NRG2: variants seen among roughly 807,000 people sequenced by gnomAD.
The protein encoded by NRG2 is neuregulin 2.
Under a neutral mutation model 73.9 loss-of-function variants are expected in NRG2, and 27 were observed. The observed-to-expected ratio is 0.37, with a 90% confidence interval of 0.27 to 0.50. NRG2 has a LOEUF of 0.50. Ranked by LOEUF, NRG2 falls within the 20% of genes least tolerant of loss-of-function variation. NRG2 has a pLI of 0.96. For missense variants in NRG2, 1,126 were observed against 1,210.1 expected (o/e 0.93, Z 1.03); for synonymous variants, 532 against 541.0 (o/e 0.98, Z 0.23).
chr5:140,036,183 G>C (rs1332512147), intron 1 of NRG2, among the ~76,000 whole-genome samples: 1 of 152,200 alleles, frequency 6.6e-6, no homozygotes, highest in East Asian at 1.9e-4. Context: ...TGTTACTGTA[G>C]AATGGAGCTC....
At chr5:139,900,528 G>A (rs75949957) in intron 1 of NRG2, among the ~76,000 whole-genome samples, 11,664 of 152,326 alleles carry the variant, frequency 0.077, 682 homozygotes, top group Admixed American at 0.14. Flanking sequence ...AACACAATGA[G>A]AACATGGTTC....
chr5:139,977,745 G>C (rs1049338434), intron 1 of NRG2, among the ~76,000 whole-genome samples: 14 of 152,142 alleles, frequency 9.2e-5, no homozygotes, highest in Non-Finnish European at 1.8e-4. Context: ...CCAAAACAGA[G>C]ATATAGACCA....
intron 1 of NRG2, among the ~76,000 whole-genome samples, chr5:139,911,740 G>A (rs2127196176): frequency 6.6e-6 from 1 of 152,338 alleles, no homozygotes; most frequent in Middle Eastern, 3.4e-3. Flanking sequence ...GAGGTGAGAG[G>A]TGGGAGCCTG....
intron 1 of NRG2, among the ~76,000 whole-genome samples, chr5:139,923,089 A>G (rs1422821728): frequency 6.6e-6 from 1 of 152,180 alleles, no homozygotes; most frequent in Non-Finnish European, 1.5e-5. Flanking sequence ...ACTCTAGTGT[A>G]AACTATGGAT....
intron 4 of NRG2, among the ~76,000 whole-genome samples, chr5:139,866,164 C>A (rs1441337892): frequency 6.6e-6 from 1 of 152,116 alleles, no homozygotes; most frequent in African/African-American, 2.4e-5. Context: ...ATGTCTTTGA[C>A]AAAAGTGACC....
intron 5 of NRG2, among the ~76,000 whole-genome samples, chr5:139,857,015 T>C (rs1016108204): frequency 2.1e-4 from 32 of 152,288 alleles, no homozygotes; most frequent in African/African-American, 7.7e-4. Flanking sequence ...GGCATGTGTC[T>C]CCATCACTCC....
intron 1 of NRG2, among the ~76,000 whole-genome samples, chr5:139,917,840 C>T (rs1199109879): frequency 1.3e-5 from 2 of 152,124 alleles, no homozygotes; most frequent in African/African-American, 2.4e-5. Flanking sequence ...ATCTGTGGGT[C>T]GTCTTTTCAC....
chr5:139,854,319 G>A (rs1761677859), intron 6 of NRG2, among the ~76,000 whole-genome samples: 1 of 152,244 alleles, frequency 6.6e-6, no homozygotes, highest in East Asian at 1.9e-4. Context: ...TCAGGCCCTG[G>A]CCTAAATGCT....
At chr5:140,000,064 A>G (rs1758320152) in intron 1 of NRG2, among the ~76,000 whole-genome samples, 1 of 152,232 alleles carries the variant, frequency 6.6e-6, no homozygotes, top group African/African-American at 2.4e-5. Flanking sequence ...TTATAAAAAA[A>G]CAACATTTGT....
At chr5:139,943,765 C>T (rs1753586010) in intron 1 of NRG2, among the ~76,000 whole-genome samples, 1 of 152,168 alleles carries the variant, frequency 6.6e-6, no homozygotes, top group Non-Finnish European at 1.5e-5. Context: ...TGAAATACCA[C>T]AGTATAGTGA....
At chr5:139,898,308 C>T (rs548789741) in intron 1 of NRG2, among the ~76,000 whole-genome samples, 60 of 152,338 alleles carry the variant, frequency 3.9e-4, no homozygotes, top group Non-Finnish European at 7.1e-4. Context: ...CCATCTGCAC[C>T]GCAGGCATGA....
At chr5:139,974,944 A>G (rs978280327) in intron 1 of NRG2, among the ~76,000 whole-genome samples, 6 of 152,198 alleles carry the variant, frequency 3.9e-5, no homozygotes, top group Non-Finnish European at 8.8e-5. Context: ...GATGTGGAAA[A>G]CCCATTTCCT....
rs1429524332 is a variant in NRG2 at position 139,865,367 on chromosome 5, A to G, written c.1189+182T>C. Among the ~76,000 whole-genome samples the G allele has an allele frequency of 6.6e-6, 1 of 152,252 alleles. No homozygotes were observed. The highest frequency in any genetic ancestry group is 1.5e-5 in the Non-Finnish European group (1 of 68,052). On this transcript the variant is annotated intron_variant, in intron 5 of 9. Coordinates refer to ENST00000361474, the MANE Select transcript of NRG2 (RefSeq NM_004883.3). This position sits in a 1 kb window ranked among gnomAD's most constrained non-coding sequence, Gnocchi z 5.2. ...AAGGATTAGGCCAAAAATGAAAACAAAGCAAAACAAAACAAAACAAAAAGA... is the reference window on the plus strand; with the variant it reads ...AAGGATTAGGCCAAAAATGAAAACAGAGCAAAACAAAACAAAACAAAAAGA...
intron 1 of NRG2, among the ~76,000 whole-genome samples, chr5:139,947,001 T>G (rs1000065462): frequency 6.6e-6 from 1 of 151,612 alleles, no homozygotes; most frequent in Non-Finnish European, 1.5e-5. Context: ...GGATGGCTAC[T>G]ATTAAAAAAA....
chr5:139,881,710 G>A (rs772711599), intron 2 of NRG2, among the ~76,000 whole-genome samples: 2 of 152,218 alleles, frequency 1.3e-5, no homozygotes, highest in African/African-American at 4.8e-5. Flanking sequence ...AAGGGCACTC[G>A]GCAAGGCAAA....
chr5:139,860,206 G>A (rs986618357), intron 5 of NRG2, among the ~76,000 whole-genome samples: 2 of 152,258 alleles, frequency 1.3e-5, no homozygotes, highest in East Asian at 3.9e-4. Context: ...TGGCGAGGCA[G>A]AGGCGCAAGA....
Position 140,042,782 on chromosome 5 carries a change from G to T in NRG2, c.288C>A (p.Asp96Glu). 2.0e-6 allele frequency: 3 copies of T among 1,525,434 alleles called. No homozygotes were observed. In the South Asian group the frequency reaches 3.7e-5, roughly 19 times the overall value. The allele number at this position is 1,525,434 out of a possible 1,614,324, so 94.5% of individuals were successfully genotyped here. A position where few individuals can be genotyped will look rare whatever the true frequency, so the allele number is the denominator to read the frequency against. The part of the protein sequence containing the change: ...RAAAAGGMRR[D>E]PAPGFSMLLF... The stretch of plus-strand genomic sequence containing the variant: ...GCAGCATGGAGAAGCCGGGGGCCGG[G>T]TCGCGCCTCATGCCGCCGGCGGCTG... Residue 96 changes from aspartate (D) to glutamate (E), a missense_variant, in exon 1 of 10, where the codon GAC becomes GAA. Transcript: ENST00000361474.
intron 1 of NRG2, among the ~76,000 whole-genome samples, chr5:139,996,851 T>A (rs551672764): frequency 6.6e-6 from 1 of 150,918 alleles, no homozygotes; most frequent in African/African-American, 2.4e-5. Context: ...ATTGAGGGGG[T>A]GGCCAGACGT....
At chr5:140,011,822 A>G (rs1396789165) in intron 1 of NRG2, among the ~76,000 whole-genome samples, 1 of 152,212 alleles carries the variant, frequency 6.6e-6, no homozygotes, top group Admixed American at 6.5e-5. Context: ...GTTTTAACCC[A>G]CTACATTTTG....
Sources: allele counts gnomAD v4.1 joint callset (sites outside exome capture counted in the v4.1 genomes callset), GRCh38; gene constraint gnomAD v4.1.1; non-coding constraint Gnocchi (gnomAD v3.1); transcripts MANE v1.5; gene names NCBI Gene and HGNC (gene_info 2026-07-23, HGNC 2026-07-21).